The following ARL6IP1 variants were observed in gnomAD, a reference collection of about 807,000 sequenced individuals.
The protein encoded by ARL6IP1 is ARL6 interacting reticulophagy regulator 1, also known as ADP-ribosylation factor-like protein 6-interacting protein 1.
A neutral mutation model predicts 30.1 loss-of-function variants in ARL6IP1; 16 were observed. That is an observed-to-expected ratio of 0.53 (90% CI 0.36 to 0.81). ARL6IP1 has a LOEUF of 0.81. Among genes scored for constraint, ARL6IP1 ranks in the 30% least tolerant of loss-of-function variants. The pLI is 0.01. For missense variants in ARL6IP1, 173 were observed against 242.7 expected (o/e 0.71, Z 1.91); for synonymous variants, 72 against 84.8 (o/e 0.85, Z 0.83).
rs2030097816 is a variant in ARL6IP1 at position 18,792,581 on chromosome 16, C to T, written c.*671G>A. The stretch of plus-strand genomic sequence containing the variant: ...GATTTACTAACTTCGAGTCTAAGTG[C>T]AAGGGGACGAAAGCTTAAGCCTGTC... On this transcript the variant is annotated 3_prime_UTR_variant, in exon 6 of 6. Coordinates refer to ENST00000304414, the MANE Select transcript of ARL6IP1 (RefSeq NM_015161.3). 6.6e-6 allele frequency: 1 copy of T among 152,474 alleles called. No homozygotes were observed. Among genetic ancestry groups the T allele is most frequent in the Non-Finnish European group, 1.5e-5 (1 of 68,032 alleles). 9.4% of individuals were successfully genotyped at this position (152,474 alleles called of 1,614,324 possible).
intron 1 of ARL6IP1, among the ~76,000 whole-genome samples, chr16:18,799,164 C>G (rs962139534): frequency 6.6e-6 from 1 of 152,066 alleles, no homozygotes; most frequent in Non-Finnish European, 1.5e-5. Context: ...GGACTATAGG[C>G]GCCCGCCACC....
In ARL6IP1 at chr16:18,797,938, CA is replaced by C; in HGVS notation, c.276del (p.Phe92LeufsTer21). On this transcript the variant is annotated frameshift_variant, in exon 3 of 6. Transcript: ENST00000304414. LOFTEE classifies it high-confidence loss of function. ...TATGCTACCTACCATTTATTGGAGCCAAAAATTCTAGGCGCTAGAATGGGAA... is the reference window on the plus strand; with the variant it reads ...TATGCTACCTACCATTTATTGGAGCCAAAATTCTAGGCGCTAGAATGGGAA... ...YLVPILAPRI[F>X]GSNKWTTEQQ... The C allele has an allele frequency of 6.2e-7, 1 of 1,609,188 alleles. No homozygotes were observed. Among genetic ancestry groups the C allele is most frequent in the Admixed American group, 1.7e-5 (1 of 58,674 alleles).
chr16:18,799,296 G>C (rs529643914), intron 1 of ARL6IP1, among the ~76,000 whole-genome samples: 55 of 152,312 alleles, frequency 3.6e-4, no homozygotes, highest in African/African-American at 1.3e-3. Flanking sequence ...ACAGGTGTGA[G>C]CCACCAGGCC....
At chr16:18,798,576 T>C (rs1378457502) in intron 2 of ARL6IP1, 125 bp downstream of exon 2, 2 of 1,059,566 alleles carry the variant, frequency 1.9e-6, no homozygotes, top group African/African-American at 3.3e-5. Flanking sequence ...AGAAACATTC[T>C]TTATGGGTTC....
chr16:18,795,629 C>G (rs1427370549), intron 3 of ARL6IP1, 48 bp from the exon 4 acceptor site: 2 of 1,246,444 alleles, frequency 1.6e-6, no homozygotes, highest in Non-Finnish European at 2.3e-6. Context: ...TTACAGTAGA[C>G]AAAAACATGA....
chr16:18,795,717 G>GA lies in ARL6IP1; in HGVS notation c.291-137dup, dbSNP rs768680780. On this transcript the variant is annotated intron_variant, in intron 3 of 5. Transcript: ENST00000304414. ...TGTTTCACCATTATCTTATGTAGGT[G>GA]AAAAAATCCTTCCACCATTAAGACA... 7.3e-5 allele frequency: 45 copies of GA among 618,092 alleles called. 1 individual carries two copies. The highest frequency in any genetic ancestry group is 4.2e-5 in the Non-Finnish European group (15 of 359,954). 38.3% of individuals were successfully genotyped at this position (618,092 alleles called of 1,614,324 possible).
intron 5 of ARL6IP1, 54 bp downstream of exon 5, chr16:18,794,545 A>T: frequency 7.5e-7 from 1 of 1,328,936 alleles, no homozygotes; most frequent in Non-Finnish European, 1.1e-6. Flanking sequence ...TGACGAAGTT[A>T]CAGTTAAATT....
In ARL6IP1 at chr16:18,794,622, T is replaced by C. The variant is rs2030174229; in HGVS notation, c.470A>G (p.Asn157Ser). ...AVAWVGQQVH[N>S]LLLTYLIVTS... The stretch of plus-strand genomic sequence containing the variant: ...ACCTATCAGGTAGGTGAGAAGCAGG[T>C]TGTGGACTTGTTGTCCCACCCAAGC... Residue 157 changes from asparagine to serine, a missense_variant, in exon 5 of 6, where the codon AAC becomes AGC. Transcript: ENST00000304414. The C allele has an allele frequency of 6.2e-7, 1 of 1,613,420 alleles. No individual in the cohort carries two copies.
rs1596948527 is a variant in ARL6IP1, at chr16:18,798,696, C to T, written c.170+5G>A. The T allele has an allele frequency of 6.2e-7, 1 of 1,613,684 alleles. No individual in the cohort carries two copies. The highest frequency in any genetic ancestry group is 1.7e-4 in the Middle Eastern group (1 of 6,054). On this transcript the variant is annotated splice_donor_5th_base_variant and intron_variant, in intron 2 of 5. Transcript: ENST00000304414. ...CAACCCATAGTAATCTAATAGCTCA[C>T]TTACAGAAACACCAAAGAAACCACA...
At chr16:18,797,881 G>C (rs371016889) in intron 3 of ARL6IP1, 44 bp downstream of exon 3, 6 of 1,594,738 alleles carry the variant, frequency 3.8e-6, no homozygotes, top group Non-Finnish European at 5.1e-6. Flanking sequence ...ACCAAGTTCA[G>C]TAACTACACA....
rs201634714 is a variant in ARL6IP1, at chr16:18,801,514, G to A, written c.-48C>T. 116 of 1,602,060 alleles carry A rather than the reference G, an allele frequency of 7.2e-5. No homozygotes were observed. The highest frequency in any genetic ancestry group is 1.7e-4 in the Middle Eastern group (1 of 6,030). ...CAAGCGCAGGCCACCTCCCCAACGAGTCCTCCAACCGAAACCCGCACACCA... is the reference window on the plus strand; with the variant it reads ...CAAGCGCAGGCCACCTCCCCAACGAATCCTCCAACCGAAACCCGCACACCA... On this transcript the variant is annotated 5_prime_UTR_variant, in exon 1 of 6. Transcript: ENST00000304414.
At position 18,798,845 on chromosome 16, in the gene ARL6IP1, C is replaced by A; in HGVS notation, c.37-11G>T. 1 of 1,612,482 alleles carries A rather than the reference C, an allele frequency of 6.2e-7. No individual in the cohort carries two copies. Among genetic ancestry groups the A allele is most frequent in the East Asian group, 2.2e-5 (1 of 44,848 alleles). On this transcript the variant is annotated splice_polypyrimidine_tract_variant and intron_variant, in intron 1 of 5. Coordinates refer to ENST00000304414, the MANE Select transcript of ARL6IP1 (RefSeq NM_015161.3). ...TGCAGTCTCTGCAGCCTAAATACCA[C>A]CGACATTTAAAGTGATCATTTTACC...
intron 5 of ARL6IP1, 83 bp from the exon 6 acceptor site, chr16:18,793,453 C>G: frequency 1.3e-6 from 1 of 758,012 alleles, no homozygotes; most frequent in Non-Finnish European, 2.1e-6. Flanking sequence ...TTTTTTGAGA[C>G]AAAGTTTCAC....
At position 18,794,100 on chromosome 16, in the gene ARL6IP1, T is replaced by C. The variant is rs549426062; in HGVS notation, c.493+499A>G. Reference sequence around the variant, plus strand: ...CTAGGTAGCTGGGACTACAGGTGTGTACCACCACATCCAACTAATTTTTGT... The same window carrying C: ...CTAGGTAGCTGGGACTACAGGTGTGCACCACCACATCCAACTAATTTTTGT... On this transcript the variant is annotated intron_variant, in intron 5 of 5. Transcript: ENST00000304414. Among the ~76,000 whole-genome samples, 23 of 152,170 alleles carry C rather than the reference T, an allele frequency of 1.5e-4. No homozygotes were observed. In the East Asian group the frequency reaches 3.3e-3, roughly 22 times the overall value.
chr16:18,798,618 G>A (rs1009834752), intron 2 of ARL6IP1, 83 bp downstream of exon 2: 4 of 1,451,822 alleles, frequency 2.8e-6, no homozygotes, highest in African/African-American at 2.9e-5. Flanking sequence ...AAGACTTAAG[G>A]CACTCCCACA....
At chr16:18,798,949 G>T in intron 1 of ARL6IP1, 115 bp from the exon 2 acceptor site, 3 of 1,187,448 alleles carry the variant, frequency 2.5e-6, no homozygotes, top group Non-Finnish European at 2.3e-6. Flanking sequence ...TAACCAAATT[G>T]CCAATTTTAA....
At chr16:18,793,995 G>A (rs953872819) in intron 5 of ARL6IP1, among the ~76,000 whole-genome samples, 1 of 152,026 alleles carries the variant, frequency 6.6e-6, no homozygotes, top group South Asian at 2.1e-4. Flanking sequence ...GGGTGGGGGG[G>A]GTGGTGAGTG....
intron 2 of ARL6IP1, 86 bp from the exon 3 acceptor site, chr16:18,798,130 A>G (rs2030297096): frequency 7.9e-7 from 1 of 1,264,950 alleles, no homozygotes; most frequent in Non-Finnish European, 1.1e-6. Flanking sequence ...TCACTTAACT[A>G]TTCACCGCCT....
At chr16:18,799,265 T>C (rs2030336320) in intron 1 of ARL6IP1, among the ~76,000 whole-genome samples, 1 of 152,172 alleles carries the variant, frequency 6.6e-6, no homozygotes, top group Middle Eastern at 3.2e-3. Flanking sequence ...ACTCACCTCG[T>C]CTTCCCAAAG....
Sources: gnomAD v4.1 joint callset for allele counts (sites outside exome capture counted in the v4.1 genomes callset) on GRCh38, gnomAD v4.1.1 for gene constraint, MANE v1.5 for transcripts, NCBI Gene and HGNC (gene_info 2026-07-23, HGNC 2026-07-21) for gene names.